ORC5: variants seen among roughly 807,000 people sequenced by gnomAD.
The protein encoded by ORC5 is origin recognition complex subunit 5, also known as protein phosphatase 1, regulatory subunit 117.
Under a neutral mutation model 58.8 loss-of-function variants are expected in ORC5, and 39 were observed. The ratio of observed to expected loss-of-function variants is 0.66; its 90% CI spans 0.51 to 0.87. The LOEUF (loss-of-function observed/expected upper bound fraction) is 0.87, where lower values mean the gene tolerates loss of function less well. Ranked by LOEUF, ORC5 falls within the 40% of genes least tolerant of loss-of-function variation. ORC5 has a pLI of 0.00. For missense variants in ORC5, 493 were observed against 506.3 expected, an observed-to-expected ratio of 0.97 and a Z score of 0.25; for synonymous variants, 218 against 177.6, an observed-to-expected ratio of 1.23 and a Z score of -1.81.
chr7:104,156,547 T>A lies in ORC5; in HGVS notation c.1149+4525A>T, dbSNP rs189886373. Reference sequence around the variant, plus strand: ...GATTAGATTTGAAATACAATGGAAATAAACTTTTGCTTCAGGAGAATTCTG... The same window carrying A: ...GATTAGATTTGAAATACAATGGAAAAAAACTTTTGCTTCAGGAGAATTCTG... On this transcript the variant is annotated intron_variant, in intron 12 of 13. Transcript: ENST00000297431. Among the ~76,000 whole-genome samples the A allele has an allele frequency of 3.7e-3, 566 of 151,810 alleles. 1 individual carries two copies. Among genetic ancestry groups the A allele is most frequent in the Non-Finnish European group, 5.4e-3 (367 of 67,690 alleles).
At chr7:104,156,971 A>G (rs1337222534) in intron 12 of ORC5, among the ~76,000 whole-genome samples, 1 of 151,962 alleles carries the variant, frequency 6.6e-6, no homozygotes, top group African/African-American at 2.4e-5. Flanking sequence ...AAACATTGCC[A>G]TCTAGTGTTC....
rs1469801498 is a variant in ORC5, at chr7:104,136,822, G to C, written c.1221C>G (p.Tyr407Ter). 3 of 1,613,782 alleles carry C rather than the reference G, an allele frequency of 1.9e-6. No homozygotes were observed. Among genetic ancestry groups the C allele is most frequent in the Non-Finnish European group, 2.5e-6 (3 of 1,179,732 alleles). ...GHDDQLDGPK[Y>*]KCTVSLDFIR... ...TGAAGTCTAGAGACACTGTGCATTT[G>C]TATTTTGGTCCATCAAGCTGATCGT... The change falls in exon 13 of 14, where the codon TAC becomes TAG. Residue 407 changes from tyrosine (Y) to a stop codon, truncating the protein, a stop_gained. Coordinates refer to ENST00000297431, the MANE Select transcript of ORC5 (RefSeq NM_002553.4). LOFTEE classifies it high-confidence loss of function. The surrounding 1 kb of genome is among the most constrained non-coding windows in gnomAD (Gnocchi z 4.2).
At chr7:104,165,326 C>T (rs1799090319) in intron 10 of ORC5, 44 bp from the exon 11 acceptor site, 1 of 1,113,516 alleles carries the variant, frequency 9.0e-7, no homozygotes, top group East Asian at 2.4e-5. Context: ...AGACAGTATT[C>T]CACAAAACCA....
At chr7:104,172,769 CT>C (rs1384724577) in intron 8 of ORC5, among the ~76,000 whole-genome samples, 6 of 152,138 alleles carry the variant, frequency 3.9e-5, no homozygotes, top group Non-Finnish European at 8.8e-5. Context: ...CAGACAATGG[CT>C]GAGCTGGAAG....
At chr7:104,195,290 T>A (rs1353868064) in intron 4 of ORC5, 36 bp from the exon 5 acceptor site, 2 of 1,196,032 alleles carry the variant, frequency 1.7e-6, no homozygotes, top group Admixed American at 5.2e-5. Flanking sequence ...ACTTCGCATT[T>A]AAAAATCTTA....
rs1356759609 is a variant in ORC5, at chr7:104,133,694, G to A, written c.1262+3087C>T. ...GCTCAAGTTGCCTAGGGAAAAAAAT[G>A]TAATATGAGAAAAGAGCCTAGGGCC... is the stretch of plus-strand genomic sequence containing the variant. On this transcript the variant is annotated intron_variant, in intron 13 of 13. Transcript: ENST00000297431. This position sits in a 1 kb window ranked among gnomAD's most constrained non-coding sequence, Gnocchi z 4.7. Among the ~76,000 whole-genome samples, 1 of 152,110 alleles carries A rather than the reference G, an allele frequency of 6.6e-6. No homozygotes were observed. Among genetic ancestry groups the A allele is most frequent in the Non-Finnish European group, 1.5e-5 (1 of 68,020 alleles).
intron 5 of ORC5, among the ~76,000 whole-genome samples, chr7:104,193,810 A>C (rs10277637): frequency 0.11 from 16,882 of 151,502 alleles, 1,653 homozygotes; most frequent in African/African-American, 0.27. Flanking sequence ...CTTTGCAAAA[A>C]TCTATTATCC....
chr7:104,177,559 T>C (rs1459869170), intron 8 of ORC5, among the ~76,000 whole-genome samples: 2 of 152,146 alleles, frequency 1.3e-5, no homozygotes. Context: ...TTAATGAGAA[T>C]TATTGTTTTT....
intron 13 of ORC5, among the ~76,000 whole-genome samples, chr7:104,134,248 C>G (rs1296290607): frequency 6.6e-6 from 1 of 151,728 alleles, no homozygotes; most frequent in Non-Finnish European, 1.5e-5. Context: ...CATGGTGAAA[C>G]TCTGTCTCTG....
At chr7:104,127,643 T>A (rs1162448156) in intron 13 of ORC5, among the ~76,000 whole-genome samples, 2 of 152,336 alleles carry the variant, frequency 1.3e-5, no homozygotes, top group East Asian at 3.9e-4. Context: ...TCTGCAAAAA[T>A]AATCATCCAT....
intron 1 of ORC5, among the ~76,000 whole-genome samples, chr7:104,206,223 G>T (rs935381303): frequency 1.3e-5 from 2 of 152,158 alleles, no homozygotes; most frequent in Admixed American, 6.5e-5. Flanking sequence ...CAGAAAAGGT[G>T]CTCGGTAAAT....
At chr7:104,142,537 A>G (rs1424266083) in intron 12 of ORC5, among the ~76,000 whole-genome samples, 2 of 152,236 alleles carry the variant, frequency 1.3e-5, no homozygotes, top group Admixed American at 6.5e-5. Flanking sequence ...TAACAATTGT[A>G]TTAAAAGTAA....
intron 13 of ORC5, among the ~76,000 whole-genome samples, chr7:104,131,734 C>T (rs1229587106): frequency 6.6e-6 from 1 of 152,060 alleles, no homozygotes; most frequent in Non-Finnish European, 1.5e-5. Context: ...CGCCTGTAAT[C>T]CCAGCTACTC....
intron 12 of ORC5, among the ~76,000 whole-genome samples, chr7:104,146,943 C>T (rs568969971): frequency 6.6e-6 from 1 of 152,206 alleles, no homozygotes; most frequent in East Asian, 1.9e-4. Context: ...AGAGAGAATA[C>T]ACATTATGTT....
At chr7:104,181,791 CAAAAA>C (rs34988883) in intron 8 of ORC5, among the ~76,000 whole-genome samples, 4,484 of 85,800 alleles carry the variant, frequency 0.052, 100 homozygotes, top group Non-Finnish European at 0.073. Flanking sequence ...GACTCCGTCT[CAAAAA>C]AAAAAAAAAA....
chr7:104,189,562 A>G (rs1439403053), intron 5 of ORC5, among the ~76,000 whole-genome samples: 1 of 152,132 alleles, frequency 6.6e-6, no homozygotes, highest in Non-Finnish European at 1.5e-5. Flanking sequence ...TCCATGACCA[A>G]TGACCAATGA....
chr7:104,186,209 AT>A (rs779566156), intron 6 of ORC5, among the ~76,000 whole-genome samples: 6,921 of 146,508 alleles, frequency 0.047, 492 homozygotes, highest in African/African-American at 0.16. Context: ...TTGTCTACAG[AT>A]TTTTTTTTTT....
intron 9 of ORC5, 89 bp from the exon 10 acceptor site, chr7:104,166,973 G>T: frequency 1.4e-6 from 1 of 708,468 alleles, no homozygotes; most frequent in Non-Finnish European, 2.5e-6. Flanking sequence ...ATTTCCATAT[G>T]GTATTCTCTA....
intron 2 of ORC5, chr7:104,202,613 T>TA (rs1240016181): frequency 3.0e-5 from 13 of 428,194 alleles, no homozygotes; most frequent in African/African-American, 2.7e-4. Context: ...TACAGTGTGA[T>TA]AAAAAATGGA....
Sources: allele counts gnomAD v4.1 joint callset (sites outside exome capture counted in the v4.1 genomes callset), GRCh38; gene constraint gnomAD v4.1.1; non-coding constraint Gnocchi (gnomAD v3.1); transcripts MANE v1.5; gene names NCBI Gene and HGNC (gene_info 2026-07-23, HGNC 2026-07-21).